The following ANKDD1A variants were observed in gnomAD, a reference collection of about 807,000 sequenced individuals.
The protein encoded by ANKDD1A is ankyrin repeat and death domain containing 1A, also known as ankyrin repeat and death domain-containing protein 1A.
Under a neutral mutation model 63.5 loss-of-function variants are expected in ANKDD1A, and 59 were observed. That is an observed-to-expected ratio of 0.93 (90% CI 0.75 to 1.15). The LOEUF (loss-of-function observed/expected upper bound fraction) is 1.15. Among genes scored for constraint, ANKDD1A ranks in the 50% most tolerant of loss-of-function variants. ANKDD1A has a pLI of 0.00. For synonymous variants in ANKDD1A, 266 were observed against 263.9 expected (o/e 1.01, Z -0.08); for missense variants, 632 against 656.4 (o/e 0.96, Z 0.41).
At chr15:64,924,385 CAGTG>C (rs898538377) in intron 4 of ANKDD1A, among the ~76,000 whole-genome samples, 1 of 152,172 alleles carries the variant, frequency 6.6e-6, no homozygotes, top group African/African-American at 2.4e-5. Context: ...TGTAGAGTCT[CAGTG>C]AGAAGAGTAG....
chr15:64,950,931 A>G (rs1303900661), intron 14 of ANKDD1A: 2 of 1,271,120 alleles, frequency 1.6e-6, no homozygotes, highest in Middle Eastern at 4.3e-4. Context: ...CAACAGAGGA[A>G]GTAAGATTCT....
intron 7 of ANKDD1A, 35 bp downstream of exon 7, chr15:64,930,955 C>T (rs1183632511): frequency 1.9e-6 from 3 of 1,593,832 alleles, no homozygotes; most frequent in Non-Finnish European, 1.7e-6. Context: ...AGATGCATGA[C>T]CCTTGCTTGC....
chr15:64,944,469 TTATTC>T (rs1162711171), intron 11 of ANKDD1A, among the ~76,000 whole-genome samples, 178 bp from the exon 12 acceptor site: 1 of 152,182 alleles, frequency 6.6e-6, no homozygotes, highest in Non-Finnish European at 1.5e-5. Flanking sequence ...TGCTATTGCT[TTATTC>T]TATTTGTGAC....
chr15:64,953,846 CTTCT>C (rs1487705684), intron 14 of ANKDD1A, among the ~76,000 whole-genome samples: 42 of 13,280 alleles, frequency 3.2e-3, no homozygotes, highest in Non-Finnish European at 0.018. Flanking sequence ...CTCTTCTTTT[CTTCT>C]TTCCTCTTCT....
intron 14 of ANKDD1A, chr15:64,951,213 G>C: frequency 1.0e-6 from 1 of 1,002,582 alleles, no homozygotes; most frequent in Non-Finnish European, 1.2e-6. Flanking sequence ...GGGTCCAAGG[G>C]CCTGTAATCC....
intron 1 of ANKDD1A, among the ~76,000 whole-genome samples, chr15:64,912,628 C>G (rs958566003): frequency 1.3e-5 from 2 of 152,234 alleles, no homozygotes; most frequent in African/African-American, 4.8e-5. Context: ...GCTTTGGCTG[C>G]ACCGTCTGGG....
At chr15:64,953,522 T>TC (rs2085343577) in intron 14 of ANKDD1A, among the ~76,000 whole-genome samples, 1 of 131,140 alleles carries the variant, frequency 7.6e-6, no homozygotes, top group East Asian at 2.3e-4. Flanking sequence ...CTTCTCCTTC[T>TC]TCCTTCTTCT....
intron 9 of ANKDD1A, among the ~76,000 whole-genome samples, chr15:64,941,195 G>A (rs1276525023): frequency 1.3e-5 from 2 of 152,162 alleles, no homozygotes; most frequent in Middle Eastern, 3.4e-3. Flanking sequence ...AAAATTATGT[G>A]TCATTTCTTG....
At chr15:64,930,637 G>A (rs1176404870) in intron 6 of ANKDD1A, among the ~76,000 whole-genome samples, 185 bp from the exon 7 acceptor site, 1 of 152,242 alleles carries the variant, frequency 6.6e-6, no homozygotes, top group African/African-American at 2.4e-5. Context: ...CAATGTGCCT[G>A]CCTTGAAGTA....
At chr15:64,943,870 A>G (rs927013379) in intron 11 of ANKDD1A, 3 of 423,364 alleles carry the variant, frequency 7.1e-6, no homozygotes, top group Non-Finnish European at 1.3e-5. Flanking sequence ...CTCCTGAGTC[A>G]CCTGGTAGGG....
chr15:64,925,056 A>G (rs1046978530), intron 4 of ANKDD1A, among the ~76,000 whole-genome samples: 3 of 151,808 alleles, frequency 2.0e-5, no homozygotes, highest in Non-Finnish European at 4.4e-5. Context: ...GGGAAACCCC[A>G]TCTCTACTAA....
At chr15:64,912,100 G>T in intron 1 of ANKDD1A, 136 bp downstream of exon 1, 1 of 908,648 alleles carries the variant, frequency 1.1e-6, no homozygotes, top group Non-Finnish European at 1.4e-6. Context: ...GGCTCCGAGC[G>T]GAATGGTTAC....
intron 8 of ANKDD1A, among the ~76,000 whole-genome samples, chr15:64,933,572 G>A (rs1218248446): frequency 2.0e-5 from 3 of 152,182 alleles, no homozygotes; most frequent in African/African-American, 4.8e-5. Flanking sequence ...GGCCAGGTGC[G>A]GTGGCTCACG....
At chr15:64,945,789 T>C (rs765549521) in intron 12 of ANKDD1A, among the ~76,000 whole-genome samples, 17 of 151,202 alleles carry the variant, frequency 1.1e-4, no homozygotes, top group Non-Finnish European at 1.6e-4. Context: ...TGTGCCACCA[T>C]GCCCAGCTAA....
intron 9 of ANKDD1A, among the ~76,000 whole-genome samples, chr15:64,935,328 C>T (rs77875979): frequency 5.9e-5 from 9 of 151,540 alleles, no homozygotes; most frequent in Non-Finnish European, 1.0e-4. Flanking sequence ...GCTAGGAGTT[C>T]GAGACCAGCC....
At chr15:64,952,785 C>T (rs1250031404) in intron 14 of ANKDD1A, among the ~76,000 whole-genome samples, 1 of 20,694 alleles carries the variant, frequency 4.8e-5, no homozygotes, top group Non-Finnish European at 4.2e-4. Context: ...CTTCTTCCTT[C>T]TCCTTCTTCT....
chr15:64,953,644 T>TTTCTCCTTCTTCTTCC (rs2085353006), intron 14 of ANKDD1A, among the ~76,000 whole-genome samples: 1 of 67,244 alleles, frequency 1.5e-5, no homozygotes, highest in African/African-American at 3.9e-5. Flanking sequence ...CTTCTTCCTC[T>TTTCTCCTTCTTCTTCC]TCCTTCTCCT....
At chr15:64,923,594 T>C (rs1050792799) in intron 4 of ANKDD1A, among the ~76,000 whole-genome samples, 4 of 152,166 alleles carry the variant, frequency 2.6e-5, no homozygotes, top group African/African-American at 9.7e-5. Context: ...TAGGATCCTG[T>C]TGGCAGTGGT....
intron 14 of ANKDD1A, chr15:64,951,151 C>T: frequency 9.0e-7 from 1 of 1,115,738 alleles, no homozygotes; most frequent in South Asian, 2.0e-5. Flanking sequence ...AATGCACAGT[C>T]ATGCAGAGCC....
Sources: allele counts gnomAD v4.1 joint callset (sites outside exome capture counted in the v4.1 genomes callset), GRCh38; gene constraint gnomAD v4.1.1; transcripts MANE v1.5; gene names NCBI Gene and HGNC (gene_info 2026-07-23, HGNC 2026-07-21).